The following GIP variants were observed in gnomAD, a reference collection of about 807,000 sequenced individuals.
The protein encoded by GIP is gastric inhibitory polypeptide.
In GIP, 16 loss-of-function variants were observed where a neutral mutation model predicts 18.1. The ratio of observed to expected loss-of-function variants is 0.88; its 90% CI spans 0.60 to 1.34. The LOEUF (loss-of-function observed/expected upper bound fraction) is 1.34. Ranked by LOEUF, GIP falls within the 40% of genes most tolerant of loss-of-function variation. The pLI is 0.00. For missense variants in GIP, 192 were observed against 183.4 expected, an observed-to-expected ratio of 1.05 and a Z score of -0.27; for synonymous variants, 76 against 74.0, an observed-to-expected ratio of 1.03 and a Z score of -0.14.
At chr17:48,965,138 C>CAA (rs33956589) in intron 2 of GIP, among the ~76,000 whole-genome samples, 36,284 of 109,476 alleles carry the variant, frequency 0.33, 9,462 homozygotes, top group African/African-American at 0.5. Flanking sequence ...GACTCCGTCT[C>CAA]AAAAAAAAAA....
At chr17:48,961,116 C>G (rs1204454066) in intron 4 of GIP, 129 bp from the exon 5 acceptor site, 6 of 607,924 alleles carry the variant, frequency 9.9e-6, no homozygotes, top group Non-Finnish European at 1.7e-5. Flanking sequence ...GCTATCTCTC[C>G]GTTGGCTCAG....
chr17:48,967,081 C>A (rs1247513358), intron 2 of GIP, 66 bp downstream of exon 2: 247 of 1,235,268 alleles, frequency 2.0e-4, no homozygotes, highest in Non-Finnish European at 2.1e-5. Context: ...CCCCTAGAAA[C>A]AAATCCAGAA....
At chr17:48,959,012 G>A (rs536728747) in intron 5 of GIP, among the ~76,000 whole-genome samples, 191 of 151,794 alleles carry the variant, frequency 1.3e-3, no homozygotes, top group Admixed American at 2.4e-3. Context: ...CCGCCTCCAC[G>A]CCCAGCTAAT....
chr17:48,961,086 G>T (rs569088574), intron 4 of GIP, 99 bp from the exon 5 acceptor site: 29 of 703,616 alleles, frequency 4.1e-5, no homozygotes, highest in Middle Eastern at 3.8e-4. Context: ...AGCCGCGGAT[G>T]GGGGGAGGGA....
Position 48,967,989 on chromosome 17 carries a change from T to G in GIP, c.-22+528A>C, listed in dbSNP as rs550159284. 7.2e-5 allele frequency among the ~76,000 whole-genome samples: 11 copies of G among 151,802 alleles called. 1 individual carries two copies. In the South Asian group the frequency reaches 2.3e-3, roughly 32 times the overall value. ...ATCGCTTGAACCTGGGAGGAAGAGG[T>G]TGCAGTGAGCCGAGATTGCGCCAGT... is the stretch of plus-strand genomic sequence containing the variant. On this transcript the variant is annotated intron_variant, in intron 1 of 5. Coordinates refer to ENST00000357424, the MANE Select transcript of GIP (RefSeq NM_004123.3).
chr17:48,961,749 C>T lies in GIP; in HGVS notation c.328G>A (p.Glu110Lys), dbSNP rs866115764. 1 of 1,611,758 alleles carries T rather than the reference C, an allele frequency of 6.2e-7. No individual in the cohort carries two copies. Among genetic ancestry groups the T allele is most frequent in the Middle Eastern group, 1.7e-4 (1 of 6,060 alleles). Residue 110 changes from glutamate (E) to lysine (K), a missense_variant, in exon 4 of 6, where the codon GAG (glutamate) becomes AAG (lysine). Transcript: ENST00000357424. ...CACCTCTGTGGCTCCACTGCCTCCT[C>T]CTCCTTCCTATTAGCTTGACTGGCC... The part of the protein sequence containing the change: ...ELASQANRKE[E>K]EAVEPQSSPA...
rs148842243 is a variant in GIP, at chr17:48,967,221, C to G, written c.12G>C (p.Thr4=). The change falls in exon 2 of 6, where the codon ACG becomes ACC. Residue 4 remains threonine, a synonymous_variant. Coordinates refer to ENST00000357424, the MANE Select transcript of GIP (RefSeq NM_004123.3). ...ACAGCAGCAGCAGAGCAAAGGTCTT[C>G]GTGGCCACCATCTTCCAAGGTTATT... MVA[T]KTFALLLLSL... 1.2e-6 allele frequency: 2 copies of G among 1,613,946 alleles called. No individual in the cohort carries two copies. Among genetic ancestry groups the G allele is most frequent in the Non-Finnish European group, 1.7e-6 (2 of 1,179,864 alleles).
At chr17:48,963,574 C>T (rs894878735) in intron 3 of GIP, among the ~76,000 whole-genome samples, 4 of 150,770 alleles carry the variant, frequency 2.7e-5, no homozygotes, top group South Asian at 4.2e-4. Context: ...GCAGAAGAAT[C>T]GCTTGAACCC....
intron 3 of GIP, among the ~76,000 whole-genome samples, chr17:48,962,935 T>C (rs1298482635): frequency 6.7e-6 from 1 of 150,174 alleles, no homozygotes; most frequent in Non-Finnish European, 1.5e-5. Flanking sequence ...AAGCCCCGTC[T>C]CTACTAAAAA....
rs550094454 is a variant in GIP, at chr17:48,967,923, G to A, written c.-22+594C>T. Among the ~76,000 whole-genome samples, 11 of 151,854 alleles carry A rather than the reference G, an allele frequency of 7.2e-5. No homozygotes were observed. In the East Asian group the frequency reaches 1.8e-3, roughly 25 times the overall value. Reference sequence around the variant, plus strand: ...AAAGATTAGCCAGGTGTGGTGGTGCGCGCCTGTGATCCCAGCTATTCAGGA... The same window carrying A: ...AAAGATTAGCCAGGTGTGGTGGTGCACGCCTGTGATCCCAGCTATTCAGGA... On this transcript the variant is annotated intron_variant, in intron 1 of 5. Transcript: ENST00000357424.
chr17:48,960,500 T>C (rs977417217), intron 5 of GIP, among the ~76,000 whole-genome samples: 2 of 150,962 alleles, frequency 1.3e-5, no homozygotes, highest in Non-Finnish European at 1.5e-5. Context: ...GGGCATAGGA[T>C]GGGCTCTGGG....
At chr17:48,961,842 G>A in intron 3 of GIP, 23 bp from the exon 4 acceptor site, 1 of 1,555,324 alleles carries the variant, frequency 6.4e-7, no homozygotes, top group Non-Finnish European at 8.8e-7. Context: ...AGATTAGAGA[G>A]TGGGCAAGCT....
chr17:48,968,038 C>T (rs967393938), intron 1 of GIP, among the ~76,000 whole-genome samples: 2 of 151,842 alleles, frequency 1.3e-5, no homozygotes, highest in African/African-American at 4.8e-5. Context: ...GGTGACAGAG[C>T]GAGACTCCAT....
In GIP at chr17:48,968,515, ACCAGACTTCCTTT is replaced by A. The variant is rs2041247215; in HGVS notation, c.-33_-22+1del. 6.6e-6 allele frequency: 1 copy of A among 152,180 alleles called. No individual in the cohort carries two copies. Among genetic ancestry groups the A allele is most frequent in the Admixed American group, 6.6e-5 (1 of 15,246 alleles). 9.4% of individuals were successfully genotyped at this position (152,180 alleles called of 1,614,324 possible). A position where few individuals can be genotyped will look rare whatever the true frequency, so the allele number is the denominator to read the frequency against. On this transcript the variant is annotated splice_donor_variant and 5_prime_UTR_variant, in exon 1 of 6. Transcript: ENST00000357424. LOFTEE classifies it low-confidence loss of function (5UTR_SPLICE). ...ATCCATCCCTGTCTCCACTTCTCTT[ACCAGACTTCCTTT>A]CCAGCTCTTCCAGAAGAAGGACAGA...
chr17:48,962,621 C>G (rs2041206814), intron 3 of GIP, among the ~76,000 whole-genome samples: 2 of 151,994 alleles, frequency 1.3e-5, no homozygotes, highest in African/African-American at 4.8e-5. Flanking sequence ...CCCGCCTCAG[C>G]CTCCCAAAGT....
intron 4 of GIP, among the ~76,000 whole-genome samples, chr17:48,961,476 G>A (rs142374522): frequency 1.2e-4 from 19 of 152,238 alleles, no homozygotes; most frequent in South Asian, 4.1e-4. Flanking sequence ...TGCTGTGCAT[G>A]CAGTCATCAA....
intron 5 of GIP, among the ~76,000 whole-genome samples, chr17:48,959,116 A>C (rs2041185432): frequency 1.3e-5 from 2 of 151,888 alleles, no homozygotes; most frequent in South Asian, 4.2e-4. Flanking sequence ...GGCCTCCCAA[A>C]GTCCTGGGAT....
chr17:48,967,291 AC>A, intron 1 of GIP, 38 bp from the exon 2 acceptor site: 1 of 1,353,840 alleles, frequency 7.4e-7, no homozygotes, highest in Non-Finnish European at 1.1e-6. Context: ...TGAGAGAGCA[AC>A]CAGTAGGGGT....
At chr17:48,967,357 TTC>T in intron 1 of GIP, 104 bp from the exon 2 acceptor site, 16 of 626,788 alleles carry the variant, frequency 2.6e-5, no homozygotes, top group Admixed American at 3.1e-5. Flanking sequence ...CTTTTCCTTT[TTC>T]TTTTTTTTTT....
Sources: allele counts gnomAD v4.1 joint callset (sites outside exome capture counted in the v4.1 genomes callset), GRCh38; gene constraint gnomAD v4.1.1; transcripts MANE v1.5; gene names NCBI Gene and HGNC (gene_info 2026-07-23, HGNC 2026-07-21).